Variants in SGTA observed in about 807,000 individuals in gnomAD.
The protein encoded by SGTA is small glutamine-rich tetratricopeptide repeat-containing protein alpha.
Under a neutral mutation model 44.3 loss-of-function variants are expected in SGTA, and 22 were observed. The observed-to-expected ratio is 0.50, with a 90% CI of 0.36 to 0.71. The LOEUF (loss-of-function observed/expected upper bound fraction) is 0.71. SGTA is among the 30% of genes least tolerant of loss of function. The pLI is 0.00. For synonymous variants in SGTA, 174 were observed against 177.6 expected (o/e 0.98, Z 0.16); for missense variants, 341 against 435.9 (o/e 0.78, Z 1.94).
Position 2,763,596 on chromosome 19 carries a change from G to C in SGTA, c.497+57C>G, listed in dbSNP as rs1351664817. 5.1e-6 allele frequency: 6 copies of C among 1,183,314 alleles called. No homozygotes were observed. Among genetic ancestry groups the C allele is most frequent in the Non-Finnish European group, 7.3e-6 (6 of 817,924 alleles). 73.3% of individuals were successfully genotyped at this position (1,183,314 alleles called of 1,614,324 possible). On this transcript the variant is annotated intron_variant, in intron 6 of 11. Transcript: ENST00000221566. The surrounding 1 kb of genome is among the most constrained non-coding windows in gnomAD (Gnocchi z 5.8). ...AAGCCACACAAGAGAGGAAGCAGGA[G>C]CAGGAGAGGAGGGGTCCCGAGAGAC...
Position 2,767,011 on chromosome 19 carries a change from G to C in SGTA, c.292+125C>G. On this transcript the variant is annotated intron_variant, in intron 4 of 11. Coordinates refer to ENST00000221566, the MANE Select transcript of SGTA (RefSeq NM_003021.4). The surrounding 1 kb of genome is among the most constrained non-coding windows in gnomAD (Gnocchi z 7.3). ...CGTCCCCGTCCCCACAAGCCAGCGT[G>C]CTGGTCATCAGGGCAATTCCCTCAG... The C allele has an allele frequency of 5.4e-6, 4 of 742,646 alleles. No individual in the cohort carries two copies. Among genetic ancestry groups the C allele is most frequent in the Non-Finnish European group, 7.2e-6 (3 of 415,614 alleles). The allele number at this position is 742,646 out of a possible 1,614,324, so 46.0% of individuals were successfully genotyped here.
Position 2,757,782 on chromosome 19 carries a change from G to A in SGTA, c.738C>T (p.Leu246=), listed in dbSNP as rs1274019861. Reference sequence around the variant, plus strand: ...TGCCACCCGAAATCATGCCGGACATGCTGCAGGAGAGAGCGCGTGACTCGC... The same window carrying A: ...TGCCACCCGAAATCATGCCGGACATACTGCAGGAGAGAGCGCGTGACTCGC... ...NLMNNPQIQQ[L]MSGMISGGNN... is the part of the protein sequence containing the mutation. Residue 246 remains leucine (L), a splice_region_variant and synonymous_variant, in exon 10 of 12, where the codon CTC becomes CTT. Coordinates refer to ENST00000221566, the MANE Select transcript of SGTA (RefSeq NM_003021.4). The A allele has an allele frequency of 3.1e-6, 5 of 1,588,782 alleles. No individual in the cohort carries two copies. The Admixed American group carries it at 8.9e-5, about 28-fold the overall frequency.
At position 2,763,538 on chromosome 19, in the gene SGTA, C is replaced by A. The variant is rs113610755; in HGVS notation, c.497+115G>T. 2.9e-6 allele frequency: 2 copies of A among 689,370 alleles called. No homozygotes were observed. The highest frequency in any genetic ancestry group is 1.8e-5 in the African/African-American group (1 of 56,258). 42.7% of individuals were successfully genotyped at this position (689,370 alleles called of 1,614,324 possible). Reference sequence around the variant, plus strand: ...CAGCTAGTGTCAGAGTTGAACTGAACCGGGGTGGGAGAATTCGTTGTGGGT... The same window carrying A: ...CAGCTAGTGTCAGAGTTGAACTGAAACGGGGTGGGAGAATTCGTTGTGGGT... On this transcript the variant is annotated intron_variant, in intron 6 of 11. Coordinates refer to ENST00000221566, the MANE Select transcript of SGTA (RefSeq NM_003021.4). This position sits in a 1 kb window ranked among gnomAD's most constrained non-coding sequence, Gnocchi z 5.8.
At chr19:2,757,886 T>G in intron 9 of SGTA, 104 bp from the exon 10 acceptor site, 1 of 722,762 alleles carries the variant, frequency 1.4e-6, no homozygotes, top group Non-Finnish European at 2.1e-6. Context: ...GCCCTTCACC[T>G]TCCCCTGCAG....
chr19:2,777,297 CCAG>C, intron 1 of SGTA, among the ~76,000 whole-genome samples: 1 of 151,452 alleles, frequency 6.6e-6, no homozygotes. Context: ...ACCTGTGATC[CCAG>C]CAGCACTTCG....
Position 2,765,090 on chromosome 19 carries a change from C to T in SGTA, c.392+96G>A, listed in dbSNP as rs747078170. ...CGGTGAATGGATCCCTCATCTACAG[C>T]GCAGAGGCCTCTCCCATCTCAGGTC... On this transcript the variant is annotated intron_variant, in intron 5 of 11. Transcript: ENST00000221566. The surrounding 1 kb of genome is among the most constrained non-coding windows in gnomAD (Gnocchi z 5.5). 11 of 817,912 alleles carry T rather than the reference C, an allele frequency of 1.3e-5. No homozygotes were observed. The highest frequency in any genetic ancestry group is 2.5e-5 in the East Asian group (1 of 39,390). 50.7% of individuals were successfully genotyped at this position (817,912 alleles called of 1,614,324 possible). A position where few individuals can be genotyped will look rare whatever the true frequency, so the allele number is the denominator to read the frequency against.
chr19:2,769,435 T>TG lies in SGTA; in HGVS notation c.-23-345dup, dbSNP rs1174029647. Among the ~76,000 whole-genome samples, 5 of 152,024 alleles carry TG rather than the reference T, an allele frequency of 3.3e-5. No homozygotes were observed. The East Asian group carries it at 7.7e-4, about 23-fold the overall frequency. ...GCCCCTGCTTCTGGCATGAGGTGGG[T>TG]GGGGGCCAGGGATGCTGCCCAGCAC... On this transcript the variant is annotated intron_variant, in intron 1 of 11. Coordinates refer to ENST00000221566, the MANE Select transcript of SGTA (RefSeq NM_003021.4).
At chr19:2,778,479 T>C (rs1023326786) in intron 1 of SGTA, among the ~76,000 whole-genome samples, 64 of 150,380 alleles carry the variant, frequency 4.3e-4, no homozygotes, top group African/African-American at 1.5e-3. Flanking sequence ...CACGTGCTGC[T>C]TTCCCTCCTG....
intron 1 of SGTA, 31 bp from the exon 2 acceptor site, chr19:2,769,122 C>T (rs1342139637): frequency 3.5e-6 from 5 of 1,418,742 alleles, no homozygotes; most frequent in Non-Finnish European, 5.0e-6. Context: ...CCCATCAGGC[C>T]CCCTCACACT....
chr19:2,768,911 G>C (rs946338194), intron 2 of SGTA, 58 bp downstream of exon 2: 1 of 1,280,102 alleles, frequency 7.8e-7, no homozygotes, highest in East Asian at 2.3e-5. Context: ...GTGTCTACAC[G>C]AGGCGACTGT....
intron 9 of SGTA, among the ~76,000 whole-genome samples, chr19:2,758,117 G>A (rs1914880668): frequency 6.6e-6 from 1 of 152,234 alleles, no homozygotes; most frequent in Non-Finnish European, 1.5e-5. Context: ...CTCCTGGCAT[G>A]GAGTGGATGG....
chr19:2,778,502 C>A (rs967221194), intron 1 of SGTA, among the ~76,000 whole-genome samples: 2 of 151,988 alleles, frequency 1.3e-5, no homozygotes, highest in Non-Finnish European at 2.9e-5. Flanking sequence ...ACACCGCCCC[C>A]CCCGGCCCCC....
chr19:2,778,493 C>A (rs1046690078), intron 1 of SGTA, among the ~76,000 whole-genome samples: 1 of 137,916 alleles, frequency 7.3e-6, no homozygotes, highest in African/African-American at 2.7e-5. Flanking sequence ...CCTCCTGGAA[C>A]ACCGCCCCCC....
intron 1 of SGTA, among the ~76,000 whole-genome samples, chr19:2,769,405 C>A (rs901625323): frequency 3.3e-5 from 5 of 152,168 alleles, no homozygotes; most frequent in Non-Finnish European, 7.4e-5. Context: ...ACGGAGGTCC[C>A]CTCCGCCCCT....
chr19:2,771,584 G>A (rs4640310), intron 1 of SGTA, among the ~76,000 whole-genome samples: 1,608 of 151,666 alleles, frequency 0.011, 58 homozygotes, highest in Non-Finnish European at 0.017. Context: ...TCGGGGGGGG[G>A]GGGAGGGGTA....
At position 2,761,905 on chromosome 19, in the gene SGTA, G is replaced by A. The variant is rs1370865251; in HGVS notation, c.637-383C>T. 4.0e-5 allele frequency among the ~76,000 whole-genome samples: 6 copies of A among 148,508 alleles called. No individual in the cohort carries two copies. Among genetic ancestry groups the A allele is most frequent in the Non-Finnish European group, 8.9e-5 (6 of 67,704 alleles). ...TATTCCCCGTACAGCGCGACCGCCC[G>A]GGGACGGCACAGTCTATCATCCCGT... On this transcript the variant is annotated intron_variant, in intron 7 of 11. Coordinates refer to ENST00000221566, the MANE Select transcript of SGTA (RefSeq NM_003021.4). The surrounding 1 kb of genome is among the most constrained non-coding windows in gnomAD (Gnocchi z 5.7).
In SGTA at chr19:2,762,517, C is replaced by T; in HGVS notation, c.625G>A (p.Ala209Thr). Residue 209 changes from alanine to threonine, a missense_variant, in exon 7 of 12, where the codon GCC becomes ACC. Ala to Thr is a moderately conservative substitution (Grantham distance 58, BLOSUM62 0). Transcript: ENST00000221566. Reference protein sequence around the residue: ...LKIAELKLREAPSPTGGVGSF... With the variant: ...LKIAELKLRETPSPTGGVGSF... ...CCCGCTGCACTCACGGGGCTGGGGGCCTCCCGCAGCTTCAGCTCCGCTATC... is the reference window on the plus strand; with the variant it reads ...CCCGCTGCACTCACGGGGCTGGGGGTCTCCCGCAGCTTCAGCTCCGCTATC... 1.2e-6 allele frequency: 2 copies of T among 1,613,918 alleles called. No individual in the cohort carries two copies. The highest frequency in any genetic ancestry group is 1.1e-5 in the South Asian group (1 of 91,086).
Position 2,757,874 on chromosome 19 carries a change from C to T in SGTA, c.738-92G>A, listed in dbSNP as rs1039055298. The T allele has an allele frequency of 1.5e-5, 12 of 821,478 alleles. No individual in the cohort carries two copies. The Admixed American group carries it at 2.6e-4, about 18-fold the overall frequency. 50.9% of individuals were successfully genotyped at this position (821,478 alleles called of 1,614,324 possible). Reference sequence around the variant, plus strand: ...CAGTGGCCCGGGAGAGAATCCCTCTCAGCCCTTCACCTTCCCCTGCAGGAG... The same window carrying T: ...CAGTGGCCCGGGAGAGAATCCCTCTTAGCCCTTCACCTTCCCCTGCAGGAG... On this transcript the variant is annotated intron_variant, in intron 9 of 11. Coordinates refer to ENST00000221566, the MANE Select transcript of SGTA (RefSeq NM_003021.4).
chr19:2,769,140 C>G, intron 1 of SGTA, 49 bp from the exon 2 acceptor site: 2 of 1,114,460 alleles, frequency 1.8e-6, no homozygotes, highest in Non-Finnish European at 2.7e-6. Flanking sequence ...ACTCCCCACT[C>G]CAGGCACCCC....
Sources: allele counts gnomAD v4.1 joint callset (sites outside exome capture counted in the v4.1 genomes callset), GRCh38; gene constraint gnomAD v4.1.1; non-coding constraint Gnocchi (gnomAD v3.1); transcripts MANE v1.5; gene names NCBI Gene and HGNC (gene_info 2026-07-23, HGNC 2026-07-21).